The following HIVEP3 variants were observed in gnomAD, a reference collection of about 807,000 sequenced individuals.
HIVEP3 encodes the protein transcription factor HIVEP3.
In HIVEP3, 49 loss-of-function variants were observed where a neutral mutation model predicts 152.8. The observed-to-expected ratio is 0.32, with a 90% confidence interval of 0.26 to 0.41. The LOEUF (loss-of-function observed/expected upper bound fraction) is 0.41, where lower values mean the gene tolerates loss of function less well. HIVEP3 is among the 10% of genes least tolerant of loss of function. The probability of loss-of-function intolerance (pLI) is 1.00; values close to 1 mark genes in which losing one functional copy is unlikely to be tolerated. For synonymous variants in HIVEP3, 1,269 were observed against 1,289.0 expected, an observed-to-expected ratio of 0.98 and a Z score of 0.33; for missense variants, 2,790 against 3,103.3, an observed-to-expected ratio of 0.90 and a Z score of 2.40.
intron 1 of HIVEP3, among the ~76,000 whole-genome samples, chr1:41,718,955 A>C (rs1422075177): frequency 6.6e-6 from 1 of 152,208 alleles, no homozygotes; most frequent in Admixed American, 6.5e-5. Context: ...TCTTTGCTGG[A>C]CTGAAACTAG....
chr1:41,580,214 T>C lies in HIVEP3; in HGVS notation c.4584A>G (p.Ser1528=). 1 of 1,612,346 alleles carries C rather than the reference T, an allele frequency of 6.2e-7. No homozygotes were observed. Among genetic ancestry groups the C allele is most frequent in the Non-Finnish European group, 8.5e-7 (1 of 1,179,058 alleles). The change falls in exon 4 of 9, where the codon TCA becomes TCG. Residue 1528 remains serine (S), a synonymous_variant. Coordinates refer to ENST00000372583, the MANE Select transcript of HIVEP3 (RefSeq NM_024503.5). The stretch of plus-strand genomic sequence containing the variant: ...GCTGGGGATATTCCTTCAAAGCTTC[T>C]GAGCCTGGGGCTGTCCCATGGGACA... ...PALSHGTAPG[S]EALKEYPQPS...
intron 2 of HIVEP3, among the ~76,000 whole-genome samples, chr1:41,649,743 C>T (rs1019676434): frequency 2.0e-5 from 3 of 152,154 alleles, no homozygotes; most frequent in Admixed American, 2.0e-4. Context: ...ACGGAGTCCC[C>T]TGGGGATGAG....
intron 1 of HIVEP3, among the ~76,000 whole-genome samples, chr1:41,953,191 A>C (rs1645120450): frequency 6.6e-6 from 1 of 152,126 alleles, no homozygotes; most frequent in African/African-American, 2.4e-5. Flanking sequence ...ACTAGGTTCA[A>C]ATTTCACTTC....
rs183582277 is a variant in HIVEP3, at chr1:41,801,795, G to C, written c.-800-100800C>G. 7.2e-5 allele frequency among the ~76,000 whole-genome samples: 11 copies of C among 152,222 alleles called. No individual in the cohort carries two copies. In the East Asian group the frequency reaches 2.1e-3, roughly 29 times the overall value. ...AATGCCCCTAGGGGTCCAGGAGCAG[G>C]TTGAATCCACCAAAAACCACTGATG... On this transcript the variant is annotated intron_variant, in intron 1 of 8. Coordinates refer to ENST00000372583, the MANE Select transcript of HIVEP3 (RefSeq NM_024503.5).
intron 1 of HIVEP3, among the ~76,000 whole-genome samples, chr1:41,891,180 G>A (rs914694706): frequency 2.0e-5 from 3 of 152,128 alleles, no homozygotes; most frequent in African/African-American, 7.2e-5. Flanking sequence ...AAACTTGCCA[G>A]CCTTCCCCTT....
At chr1:41,839,034 T>C (rs1434144180) in intron 1 of HIVEP3, among the ~76,000 whole-genome samples, 3 of 152,130 alleles carry the variant, frequency 2.0e-5, no homozygotes, top group African/African-American at 4.8e-5. Flanking sequence ...CAGGAATAGA[T>C]CCTCAAAATC....
intron 1 of HIVEP3, among the ~76,000 whole-genome samples, chr1:41,972,095 G>A (rs1645233217): frequency 6.6e-6 from 1 of 152,152 alleles, no homozygotes; most frequent in South Asian, 2.1e-4. Context: ...TATTATAGCA[G>A]CACAAACAGA....
intron 1 of HIVEP3, among the ~76,000 whole-genome samples, chr1:41,909,104 G>A (rs1177988707): frequency 6.6e-5 from 10 of 152,156 alleles, no homozygotes; most frequent in Admixed American, 6.5e-4. Flanking sequence ...AATGGAAACA[G>A]AGGACAGTTG....
chr1:41,900,529 ACC>A (rs1276429468), intron 1 of HIVEP3, among the ~76,000 whole-genome samples: 1 of 151,876 alleles, frequency 6.6e-6, no homozygotes. Flanking sequence ...CAGACAACGT[ACC>A]CCCTTATTGC....
At chr1:41,551,232 G>A (rs955479207) in intron 5 of HIVEP3, among the ~76,000 whole-genome samples, 1 of 152,198 alleles carries the variant, frequency 6.6e-6, no homozygotes, top group Admixed American at 6.5e-5. Flanking sequence ...AAGCCACGTT[G>A]ATCGTGGTGG....
intron 5 of HIVEP3, among the ~76,000 whole-genome samples, chr1:41,528,329 A>C (rs1314910838): frequency 3.7e-5 from 2 of 53,348 alleles, no homozygotes; most frequent in Admixed American, 1.9e-4. Context: ...CCACACCCCC[A>C]CACTCACACT....
At chr1:41,872,591 C>T (rs953849709) in intron 1 of HIVEP3, among the ~76,000 whole-genome samples, 4 of 152,182 alleles carry the variant, frequency 2.6e-5, no homozygotes, top group African/African-American at 9.7e-5. Flanking sequence ...ATAGTTTTGA[C>T]ATTCCCCCTA....
chr1:41,935,765 A>T (rs1266569068), intron 1 of HIVEP3, among the ~76,000 whole-genome samples: 1 of 147,158 alleles, frequency 6.8e-6, no homozygotes, highest in Non-Finnish European at 1.5e-5. Flanking sequence ...TTATATATAT[A>T]ATATATATAA....
chr1:41,634,749 G>A (rs1645244628), intron 2 of HIVEP3, among the ~76,000 whole-genome samples: 1 of 152,028 alleles, frequency 6.6e-6, no homozygotes, highest in African/African-American at 2.4e-5. Context: ...CACTAAACTG[G>A]GGCCTTTTAT....
intron 1 of HIVEP3, among the ~76,000 whole-genome samples, chr1:42,032,655 C>T (rs348126): frequency 0.05 from 7,661 of 152,142 alleles, 671 homozygotes; most frequent in African/African-American, 0.17. Flanking sequence ...GCCCCCCTCC[C>T]CCACCATTCC....
In HIVEP3 at chr1:41,681,089, G is replaced by GGTGTGT. The variant is rs35572259; in HGVS notation, c.-721+19821_-721+19826dup. 2.0e-3 allele frequency among the ~76,000 whole-genome samples: 297 copies of GGTGTGT among 148,340 alleles called. 1 individual carries two copies. The highest frequency in any genetic ancestry group is 0.013 in the East Asian group (66 of 5,066). On this transcript the variant is annotated intron_variant, in intron 2 of 8. Coordinates refer to ENST00000372583, the MANE Select transcript of HIVEP3 (RefSeq NM_024503.5). Reference sequence around the variant, plus strand: ...TATCATTCCCCAGAAGCTAAGAACTGGTGTGTGTGTGTGTGTGTGTGTGTG... The same window carrying GGTGTGT: ...TATCATTCCCCAGAAGCTAAGAACTGGTGTGTGTGTGTGTGTGTGTGTGTGTGTGTG...
At chr1:41,569,081 T>C (rs1186172640) in intron 5 of HIVEP3, among the ~76,000 whole-genome samples, 1 of 152,192 alleles carries the variant, frequency 6.6e-6, no homozygotes, top group Non-Finnish European at 1.5e-5. Flanking sequence ...CCTGCCATGA[T>C]TGAAAGTTTC....
intron 1 of HIVEP3, among the ~76,000 whole-genome samples, chr1:41,750,968 C>A (rs951013707): frequency 6.6e-5 from 10 of 152,266 alleles, no homozygotes; most frequent in Admixed American, 2.0e-4. Flanking sequence ...TCCATCTCGG[C>A]CTCCCAAAGT....
At chr1:41,916,036 T>A (rs1214808555) in intron 1 of HIVEP3, among the ~76,000 whole-genome samples, 1 of 152,188 alleles carries the variant, frequency 6.6e-6, no homozygotes, top group African/African-American at 2.4e-5. Context: ...AGAGACAAGT[T>A]AAATGCTATC....
Sources: allele counts gnomAD v4.1 joint callset (sites outside exome capture counted in the v4.1 genomes callset), GRCh38; gene constraint gnomAD v4.1.1; transcripts MANE v1.5; gene names NCBI Gene and HGNC (gene_info 2026-07-23, HGNC 2026-07-21).